The following SERGEF variants were observed in gnomAD, a reference collection of about 807,000 sequenced individuals.
SERGEF encodes secretion regulating guanine nucleotide exchange factor.
In SERGEF, 51 loss-of-function variants were observed where a neutral mutation model predicts 50.0. The observed-to-expected ratio is 1.02, with a 90% CI of 0.81 to 1.29. The LOEUF (loss-of-function observed/expected upper bound fraction) is 1.29. Ranked by LOEUF, SERGEF falls within the 50% of genes most tolerant of loss-of-function variation. The pLI, the probability that SERGEF is intolerant of heterozygous loss-of-function variation, is 0.00. For missense variants in SERGEF, 521 were observed against 557.0 expected (o/e 0.94, Z 0.65); for synonymous variants, 205 against 212.4 (o/e 0.97, Z 0.30).
chr11:17,980,330 A>G (rs1287334971), intron 8 of SERGEF, among the ~76,000 whole-genome samples: 3 of 152,166 alleles, frequency 2.0e-5, no homozygotes, highest in Admixed American at 1.3e-4. Context: ...GCCTCCTGCT[A>G]AAGTATCTTG....
intron 2 of SERGEF, 29 bp from the exon 3 acceptor site, chr11:18,006,775 C>G: frequency 6.2e-7 from 1 of 1,608,636 alleles, no homozygotes. Context: ...TCAGTGATAG[C>G]GTGCACAGGA....
At chr11:17,988,373 G>A (rs1184140426) in intron 8 of SERGEF, among the ~76,000 whole-genome samples, 3 of 152,132 alleles carry the variant, frequency 2.0e-5, no homozygotes, top group South Asian at 2.1e-4. Context: ...TCTTAGGACC[G>A]GAAGGAGTTA....
chr11:17,837,364 C>A (rs1393542199), intron 10 of SERGEF, among the ~76,000 whole-genome samples: 2 of 151,810 alleles, frequency 1.3e-5, no homozygotes, highest in Admixed American at 6.6e-5. Flanking sequence ...GAGGTACAGG[C>A]CTGAAGTGTG....
At chr11:17,972,151 G>C (rs1363616439) in intron 8 of SERGEF, among the ~76,000 whole-genome samples, 1 of 152,240 alleles carries the variant, frequency 6.6e-6, no homozygotes, top group African/African-American at 2.4e-5. Flanking sequence ...TGAAGATTCT[G>C]TGAACACTGT....
chr11:18,006,219 C>G (rs551276733), intron 3 of SERGEF, among the ~76,000 whole-genome samples: 1 of 152,180 alleles, frequency 6.6e-6, no homozygotes, highest in Non-Finnish European at 1.5e-5. Context: ...GGTGCAGTGG[C>G]GCAATCTCAG....
intron 10 of SERGEF, chr11:17,846,553 G>A (rs1439667713): frequency 2.6e-6 from 1 of 382,494 alleles, no homozygotes; most frequent in Non-Finnish European, 5.2e-6. Context: ...GAACAAAACG[G>A]GGCAGAGGCA....
At position 17,956,037 on chromosome 11, in the gene SERGEF, C is replaced by A. The variant is rs187680108; in HGVS notation, c.1011+3433G>T. Among the ~76,000 whole-genome samples, 3 of 152,314 alleles carry A rather than the reference C, an allele frequency of 2.0e-5. No homozygotes were observed. The East Asian group carries it at 5.8e-4, about 29-fold the overall frequency. Reference sequence around the variant, plus strand: ...GGGATTAATCCAGATCACTGTACTACCCACCCTGGAATTTTCCAGGAGTGC... The same window carrying A: ...GGGATTAATCCAGATCACTGTACTAACCACCCTGGAATTTTCCAGGAGTGC... On this transcript the variant is annotated intron_variant, in intron 9 of 10. Coordinates refer to ENST00000265965, the MANE Select transcript of SERGEF (RefSeq NM_012139.4).
At chr11:17,836,483 C>T (rs962852299) in intron 10 of SERGEF, among the ~76,000 whole-genome samples, 1 of 152,184 alleles carries the variant, frequency 6.6e-6, no homozygotes, top group East Asian at 1.9e-4. Flanking sequence ...TTCAATAGAA[C>T]AGCTATTTTC....
At chr11:17,879,033 A>G (rs1363121180) in intron 9 of SERGEF, among the ~76,000 whole-genome samples, 1 of 152,222 alleles carries the variant, frequency 6.6e-6, no homozygotes, top group African/African-American at 2.4e-5. Flanking sequence ...TATTTTGAGA[A>G]CATGGTTGAG....
At chr11:17,952,231 A>AT in intron 9 of SERGEF, among the ~76,000 whole-genome samples, 1 of 152,324 alleles carries the variant, frequency 6.6e-6, no homozygotes, top group South Asian at 2.1e-4. Context: ...TTTGACTTTT[A>AT]TTTGTGAATT....
chr11:17,999,391 G>A (rs1046728767), intron 5 of SERGEF: 2 of 313,816 alleles, frequency 6.4e-6, no homozygotes, highest in Admixed American at 9.8e-5. Flanking sequence ...AGCTGCATGT[G>A]CATCTGCAAT....
chr11:17,990,531 C>T (rs535543493), intron 7 of SERGEF, among the ~76,000 whole-genome samples: 55 of 152,298 alleles, frequency 3.6e-4, no homozygotes, highest in African/African-American at 6.7e-4. Context: ...ATGCCACTGA[C>T]GATGAAGCCT....
At chr11:17,858,831 CTTGGAGAGGGTGAA>C (rs970356167) in intron 10 of SERGEF, among the ~76,000 whole-genome samples, 13 of 152,012 alleles carry the variant, frequency 8.6e-5, no homozygotes, top group Admixed American at 7.9e-4. Context: ...AGTGGTTACC[CTTGGAGAGGGTGAA>C]TTGGAGAGGG....
At chr11:17,802,272 A>T (rs1849684147) in intron 10 of SERGEF, among the ~76,000 whole-genome samples, 1 of 152,272 alleles carries the variant, frequency 6.6e-6, no homozygotes, top group South Asian at 2.1e-4. Context: ...GCCCTGAAAG[A>T]CCCTTAAACA....
intron 9 of SERGEF, among the ~76,000 whole-genome samples, chr11:17,896,196 G>A (rs1296931632): frequency 6.6e-6 from 1 of 152,000 alleles, no homozygotes; most frequent in African/African-American, 2.4e-5. Flanking sequence ...ACATTCAGAA[G>A]AAAAAGAACA....
intron 9 of SERGEF, among the ~76,000 whole-genome samples, chr11:17,882,189 G>A (rs1279186977): frequency 6.6e-6 from 1 of 152,136 alleles, no homozygotes. Context: ...GCCAAGGCGG[G>A]GGGATCGTTT....
At chr11:17,878,115 G>T in intron 10 of SERGEF, 93 bp downstream of exon 10, 1 of 884,690 alleles carries the variant, frequency 1.1e-6, no homozygotes, top group Non-Finnish European at 1.8e-6. Flanking sequence ...ATGCATGAGT[G>T]CACGCACCAT....
At chr11:18,004,410 C>A (rs1854029719) in intron 4 of SERGEF, 31 bp downstream of exon 4, 1 of 1,522,386 alleles carries the variant, frequency 6.6e-7, no homozygotes, top group South Asian at 1.1e-5. Flanking sequence ...TTTAACAGGT[C>A]ATGGGCAAGC....
intron 9 of SERGEF, among the ~76,000 whole-genome samples, chr11:17,927,609 C>T (rs1852275882): frequency 6.6e-6 from 1 of 152,160 alleles, no homozygotes; most frequent in Non-Finnish European, 1.5e-5. Flanking sequence ...TCTGTGTCCT[C>T]CTTTGTAAAG....
Sources: gnomAD v4.1 joint callset for allele counts (sites outside exome capture counted in the v4.1 genomes callset) on GRCh38, gnomAD v4.1.1 for gene constraint, MANE v1.5 for transcripts, NCBI Gene and HGNC (gene_info 2026-07-23, HGNC 2026-07-21) for gene names.